EDEM2: variants seen among roughly 807,000 people sequenced by gnomAD.
EDEM2 encodes ER degradation enhancing alpha-mannosidase like protein 2, also known as ER degradation-enhancing alpha-mannosidase-like protein 2.
In EDEM2, 39 loss-of-function variants were observed where a neutral mutation model predicts 64.8. The ratio of observed to expected loss-of-function variants is 0.60; its 90% CI spans 0.47 to 0.79. The LOEUF is 0.79. EDEM2 is among the 30% of genes least tolerant of loss of function. The pLI, the probability that EDEM2 is intolerant of heterozygous loss-of-function variation, is 0.00. For missense variants in EDEM2, 609 were observed against 731.3 expected (o/e 0.83, Z 1.93); for synonymous variants, 296 against 291.5 (o/e 1.02, Z -0.16).
At chr20:35,122,737 C>T (rs979084453) in intron 9 of EDEM2, among the ~76,000 whole-genome samples, 2 of 152,200 alleles carry the variant, frequency 1.3e-5, no homozygotes, top group African/African-American at 4.8e-5. Context: ...TAACAGTGGC[C>T]TCTAAGGAGT....
Position 35,129,079 on chromosome 20 carries a change from C to T in EDEM2, c.844+2563G>A, listed in dbSNP as rs761398457. Among the ~76,000 whole-genome samples the T allele has an allele frequency of 4.0e-4, 60 of 149,754 alleles. 1 individual carries two copies. Among genetic ancestry groups the T allele is most frequent in the Non-Finnish European group, 7.7e-4 (52 of 67,616 alleles). Reference sequence around the variant, plus strand: ...ATCAGGAGTTTGAGACCAGCCTGGCCAACATGGTGAAAACCCATCCATCTC... The same window carrying T: ...ATCAGGAGTTTGAGACCAGCCTGGCTAACATGGTGAAAACCCATCCATCTC... On this transcript the variant is annotated intron_variant, in intron 7 of 10. Transcript: ENST00000374492.
intron 5 of EDEM2, among the ~76,000 whole-genome samples, chr20:35,135,216 G>A (rs143546262): frequency 1.0e-3 from 152 of 152,268 alleles, no homozygotes; most frequent in African/African-American, 3.4e-3. Flanking sequence ...ACACACACTC[G>A]CTTTAGCTAG....
intron 9 of EDEM2, among the ~76,000 whole-genome samples, chr20:35,122,523 C>T (rs1005867769): frequency 4.6e-5 from 7 of 152,036 alleles, no homozygotes; most frequent in African/African-American, 9.7e-5. Context: ...TACAGGTGCA[C>T]GCCACCATGC....
At chr20:35,144,474 C>T (rs1203143763) in intron 3 of EDEM2, among the ~76,000 whole-genome samples, 3 of 152,154 alleles carry the variant, frequency 2.0e-5, no homozygotes, top group African/African-American at 7.2e-5. Flanking sequence ...GCTGGGATAA[C>T]AGACATGTGC....
intron 7 of EDEM2, among the ~76,000 whole-genome samples, chr20:35,129,356 G>A (rs893260456): frequency 1.3e-4 from 20 of 151,486 alleles, no homozygotes; most frequent in South Asian, 2.1e-4. Context: ...GCAGCGAGCC[G>A]ATATTGCACC....
At chr20:35,124,399 C>T (rs989234728) in intron 8 of EDEM2, among the ~76,000 whole-genome samples, 2 of 152,076 alleles carry the variant, frequency 1.3e-5, no homozygotes, top group Admixed American at 1.3e-4. Flanking sequence ...CAAAAGATAA[C>T]CATTTTTGTT....
Position 35,123,919 on chromosome 20 carries a change from T to C in EDEM2, c.1085A>G (p.Glu362Gly), listed in dbSNP as rs759172629. ...CCGAAGTGGGTAGCCCTCTCGCTTC[T>C]CCACTGTGTATCCCTGAGGAATGTT... ...FYNIPQGYTV[E>G]KREGYPLRPE... is the part of the protein sequence containing the mutation. The change falls in exon 9 of 11, where the codon GAG becomes GGG. Residue 362 changes from glutamate (E) to glycine (G), a missense_variant. Glu to Gly is a moderately conservative substitution (Grantham distance 98). Coordinates refer to ENST00000374492, the MANE Select transcript of EDEM2 (RefSeq NM_018217.3). The C allele has an allele frequency of 6.2e-7, 1 of 1,614,156 alleles. No individual in the cohort carries two copies. Among genetic ancestry groups the C allele is most frequent in the Admixed American group, 1.7e-5 (1 of 60,016 alleles).
chr20:35,124,366 G>A (rs74340176), intron 8 of EDEM2, among the ~76,000 whole-genome samples: 6,257 of 152,228 alleles, frequency 0.041, 197 homozygotes, highest in South Asian at 0.059. Context: ...TTTGTGCTAA[G>A]GCTCACTCCC....
intron 2 of EDEM2, 91 bp from the exon 3 acceptor site, chr20:35,145,109 T>A (rs1600720295): frequency 1.5e-6 from 2 of 1,316,294 alleles, no homozygotes; most frequent in East Asian, 2.4e-5. Flanking sequence ...TAAAACTAAA[T>A]GAGGCAAAGT....
intron 9 of EDEM2, among the ~76,000 whole-genome samples, chr20:35,120,174 T>A (rs2085351694): frequency 6.6e-6 from 1 of 152,186 alleles, no homozygotes; most frequent in South Asian, 2.1e-4. Flanking sequence ...GGGATTCTCA[T>A]GCCTCAACCT....
chr20:35,140,695 A>C (rs2085641562), intron 4 of EDEM2, among the ~76,000 whole-genome samples: 1 of 152,222 alleles, frequency 6.6e-6, no homozygotes, highest in Non-Finnish European at 1.5e-5. Context: ...TATGTTTGTT[A>C]AATTTGCTTG....
At chr20:35,145,816 C>A (rs2085722078) in intron 2 of EDEM2, among the ~76,000 whole-genome samples, 1 of 151,908 alleles carries the variant, frequency 6.6e-6, no homozygotes, top group Non-Finnish European at 1.5e-5. Flanking sequence ...TCAAGACCAG[C>A]CTGGCCAAAT....
intron 4 of EDEM2, among the ~76,000 whole-genome samples, chr20:35,138,943 G>A (rs902563010): frequency 2.0e-5 from 3 of 152,164 alleles, no homozygotes; most frequent in East Asian, 3.9e-4. Context: ...TAGATATCCT[G>A]AGTGGCCCTC....
intron 9 of EDEM2, 104 bp from the exon 10 acceptor site, chr20:35,118,823 A>C (rs1000135164): frequency 6.7e-7 from 1 of 1,503,606 alleles, no homozygotes; most frequent in African/African-American, 1.4e-5. Flanking sequence ...CTTGTCCATA[A>C]GGCCCCAACT....
chr20:35,118,582 C>T lies in EDEM2; in HGVS notation c.1236+16G>A. ...GGGAGACTCTTCCCAGTTCTTGGGG[C>T]CATGCAAACACTTACTGTTGCAAAT... is the stretch of plus-strand genomic sequence containing the variant. On this transcript the variant is annotated intron_variant, in intron 10 of 10. Coordinates refer to ENST00000374492, the MANE Select transcript of EDEM2 (RefSeq NM_018217.3). 1 of 1,613,844 alleles carries T rather than the reference C, an allele frequency of 6.2e-7. No individual in the cohort carries two copies.
At position 35,134,883 on chromosome 20, in the gene EDEM2, T is replaced by C; in HGVS notation, c.557A>G (p.Glu186Gly). The C allele has an allele frequency of 6.2e-7, 1 of 1,614,098 alleles. No individual in the cohort carries two copies. The highest frequency in any genetic ancestry group is 8.5e-7 in the Non-Finnish European group (1 of 1,180,028). ...CCCTGCCGTACAGGTGACAGGGGTCTCTCCTGGGTTCACGCCATGAAGTAA... is the reference window on the plus strand; with the variant it reads ...CCCTGCCGTACAGGTGACAGGGGTCCCTCCTGGGTTCACGCCATGAAGTAA... ...VNLLHGVNPG[E>G]TPVTCTAGIG... The change falls in exon 6 of 11, where the codon GAG (glutamate) becomes GGG (glycine). Residue 186 changes from glutamate (E) to glycine (G), a missense_variant. Glu to Gly is a moderately conservative substitution (Grantham distance 98). Transcript: ENST00000374492.
intron 9 of EDEM2, among the ~76,000 whole-genome samples, chr20:35,121,421 T>C (rs1242828266): frequency 6.6e-6 from 1 of 152,164 alleles, no homozygotes; most frequent in African/African-American, 2.4e-5. Flanking sequence ...CAGGCAGCAA[T>C]GTGAGCGATG....
Position 35,115,372 on chromosome 20 carries a change from C to T in EDEM2, c.*61G>A. 1 of 1,529,236 alleles carries T rather than the reference C, an allele frequency of 6.5e-7. No individual in the cohort carries two copies. Among genetic ancestry groups the T allele is most frequent in the South Asian group, 1.3e-5 (1 of 79,548 alleles). The allele number at this position is 1,529,236 out of a possible 1,614,324, so 94.7% of individuals were successfully genotyped here. On this transcript the variant is annotated 3_prime_UTR_variant, in exon 11 of 11. Coordinates refer to ENST00000374492, the MANE Select transcript of EDEM2 (RefSeq NM_018217.3). ...AAACATGATAACCAAAATATGATAG[C>T]CAAAAGCAATTTATTATAGTTTAGC...
At chr20:35,147,037 C>T (rs1279938695) in intron 1 of EDEM2, 102 bp from the exon 2 acceptor site, 3 of 1,547,402 alleles carry the variant, frequency 1.9e-6, no homozygotes, top group African/African-American at 2.7e-5. Context: ...GCTGATTTCT[C>T]CCTGGGACCT....
Sources: allele counts gnomAD v4.1 joint callset (sites outside exome capture counted in the v4.1 genomes callset), GRCh38; gene constraint gnomAD v4.1.1; transcripts MANE v1.5; gene names NCBI Gene and HGNC (gene_info 2026-07-23, HGNC 2026-07-21).